Variants in DIAPH3 observed in about 807,000 individuals in gnomAD.
DIAPH3 encodes the protein diaphanous related formin 3.
A neutral mutation model predicts 144.3 loss-of-function variants in DIAPH3; 117 were observed. The observed-to-expected ratio is 0.81, with a 90% CI of 0.70 to 0.95. DIAPH3 has a LOEUF of 0.95. Among genes scored for constraint, DIAPH3 ranks in the 40% least tolerant of loss-of-function variants. The pLI is 0.00. For missense variants in DIAPH3, 1,421 were observed against 1,412.7 expected (o/e 1.01, Z -0.09); for synonymous variants, 519 against 488.9 (o/e 1.06, Z -0.81).
chr13:59,675,647 A>C (rs896974961), intron 27 of DIAPH3, among the ~76,000 whole-genome samples: 10 of 152,118 alleles, frequency 6.6e-5, no homozygotes, highest in African/African-American at 2.4e-4. Context: ...GTCTATTTTA[A>C]AATTTTTACA....
At chr13:60,158,906 T>TAAAAAAAAAAAAA (rs71197285) in intron 1 of DIAPH3, among the ~76,000 whole-genome samples, 1 of 76,912 alleles carries the variant, frequency 1.3e-5, no homozygotes, top group Non-Finnish European at 2.4e-5. Flanking sequence ...TGGCCCCTCT[T>TAAAAAAAAAAAAA]AAAAAAAAAA....
chr13:59,930,252 A>C (rs560200008), intron 17 of DIAPH3, among the ~76,000 whole-genome samples: 48 of 152,342 alleles, frequency 3.2e-4, no homozygotes, highest in Admixed American at 1.9e-3. Context: ...CAACAAAGAT[A>C]CAATGCTAGA....
At chr13:60,135,709 C>A (rs2059254263) in intron 1 of DIAPH3, among the ~76,000 whole-genome samples, 1 of 152,116 alleles carries the variant, frequency 6.6e-6, no homozygotes, top group African/African-American at 2.4e-5. Context: ...ACAATAAAGT[C>A]AGAATAGGTT....
intron 19 of DIAPH3, among the ~76,000 whole-genome samples, chr13:59,913,382 A>C (rs761696280): frequency 6.6e-6 from 1 of 152,168 alleles, no homozygotes; most frequent in Non-Finnish European, 1.5e-5. Flanking sequence ...ACAGGCACGC[A>C]TGCCCAGCTT....
chr13:59,742,341 A>T (rs545834954), intron 27 of DIAPH3, among the ~76,000 whole-genome samples: 1 of 152,268 alleles, frequency 6.6e-6, no homozygotes, highest in East Asian at 1.9e-4. Context: ...GAAAATTTGC[A>T]TATTTTTATG....
At chr13:60,037,181 T>C (rs1235187229) in intron 5 of DIAPH3, among the ~76,000 whole-genome samples, 1 of 152,016 alleles carries the variant, frequency 6.6e-6, no homozygotes, top group African/African-American at 2.4e-5. Context: ...TTAAATATCA[T>C]TTTTAAAAAA....
intron 17 of DIAPH3, among the ~76,000 whole-genome samples, chr13:59,969,410 G>A (rs1381494647): frequency 6.6e-6 from 1 of 152,004 alleles, no homozygotes; most frequent in Non-Finnish European, 1.5e-5. Context: ...TATACTTTAA[G>A]TTCTGGGATA....
chr13:59,669,438 GCTC>G (rs1476745177), intron 27 of DIAPH3, among the ~76,000 whole-genome samples: 1 of 152,136 alleles, frequency 6.6e-6, no homozygotes, highest in Non-Finnish European at 1.5e-5. Context: ...TCAGAAGAGA[GCTC>G]CTGCACGTGC....
At chr13:60,129,918 A>C (rs1045904278) in intron 2 of DIAPH3, among the ~76,000 whole-genome samples, 4 of 152,328 alleles carry the variant, frequency 2.6e-5, no homozygotes, top group Admixed American at 2.6e-4. Context: ...CAAATGTGTC[A>C]CACCACTTCT....
chr13:60,080,526 A>AG (rs1340700609), intron 4 of DIAPH3, among the ~76,000 whole-genome samples: 1 of 151,958 alleles, frequency 6.6e-6, no homozygotes, highest in South Asian at 2.1e-4. Context: ...GCTAAAATAA[A>AG]GCAAAAGAAA....
chr13:59,727,681 C>A (rs1566229358), intron 27 of DIAPH3, among the ~76,000 whole-genome samples: 1 of 152,102 alleles, frequency 6.6e-6, no homozygotes, highest in Non-Finnish European at 1.5e-5. Flanking sequence ...TAAGCATTGG[C>A]TCTTATTTCT....
intron 17 of DIAPH3, among the ~76,000 whole-genome samples, chr13:59,929,461 CA>C (rs11301724): frequency 0.55 from 83,086 of 151,010 alleles, 23,367 homozygotes; most frequent in Admixed American, 0.6. Context: ...CTACTGTTAA[CA>C]CTGCTATCAC....
intron 27 of DIAPH3, among the ~76,000 whole-genome samples, chr13:59,758,214 G>A (rs374156292): frequency 7.6e-4 from 116 of 152,254 alleles, no homozygotes; most frequent in African/African-American, 2.4e-3. Context: ...ACACTCCTAG[G>A]TGTATGTCTG....
At chr13:60,083,541 A>T (rs1005608143) in intron 4 of DIAPH3, among the ~76,000 whole-genome samples, 1 of 152,064 alleles carries the variant, frequency 6.6e-6, no homozygotes, top group African/African-American at 2.4e-5. Context: ...GAGGATAGGA[A>T]AACACGTTAA....
intron 2 of DIAPH3, among the ~76,000 whole-genome samples, chr13:60,119,560 A>C (rs2058785110): frequency 2.0e-5 from 3 of 151,616 alleles, no homozygotes; most frequent in Middle Eastern, 3.4e-3. Context: ...ATCCCGGCTA[A>C]AACGGTGAAA....
Position 59,810,943 on chromosome 13 carries a change from T to A in DIAPH3, c.3028-20A>T. On this transcript the variant is annotated intron_variant, in intron 24 of 27. Transcript: ENST00000400324. Reference sequence around the variant, plus strand: ...TGCTTGCTAAAAAAATTTTGAAAAATGATCAATTTTAACCAGTGATTCATC... The same window carrying A: ...TGCTTGCTAAAAAAATTTTGAAAAAAGATCAATTTTAACCAGTGATTCATC... 1 of 1,591,536 alleles carries A rather than the reference T, an allele frequency of 6.3e-7. No homozygotes were observed. Among genetic ancestry groups the A allele is most frequent in the Non-Finnish European group, 8.6e-7 (1 of 1,168,452 alleles).
chr13:59,816,876 A>G (rs2139602868), intron 24 of DIAPH3, among the ~76,000 whole-genome samples: 1 of 152,054 alleles, frequency 6.6e-6, no homozygotes, highest in Middle Eastern at 3.4e-3. Context: ...TTAAGCACAT[A>G]TGGTATAAAT....
chr13:59,795,311 G>A (rs2039533535), intron 25 of DIAPH3, among the ~76,000 whole-genome samples: 1 of 152,120 alleles, frequency 6.6e-6, no homozygotes, highest in Non-Finnish European at 1.5e-5. Flanking sequence ...GAAAAATTAA[G>A]ACTAAATTTC....
At chr13:60,084,340 G>A (rs577383685) in intron 4 of DIAPH3, among the ~76,000 whole-genome samples, 9 of 151,754 alleles carry the variant, frequency 5.9e-5, no homozygotes, top group African/African-American at 1.7e-4. Flanking sequence ...TTCGACAAAC[G>A]GTTTTTTTCT....
Sources: gnomAD v4.1 joint callset for allele counts (sites outside exome capture counted in the v4.1 genomes callset) on GRCh38, gnomAD v4.1.1 for gene constraint, MANE v1.5 for transcripts, NCBI Gene and HGNC (gene_info 2026-07-23, HGNC 2026-07-21) for gene names.